Variants in LRCH3 observed in about 807,000 individuals in gnomAD.
LRCH3 encodes DISP complex protein LRCH3.
Under a neutral mutation model 104.5 loss-of-function variants are expected in LRCH3, and 68 were observed. The observed-to-expected ratio is 0.65, with a 90% CI of 0.54 to 0.80. The LOEUF is 0.80. LRCH3 is among the 30% of genes least tolerant of loss of function. LRCH3 has a pLI of 0.00. For missense variants in LRCH3, 951 were observed against 953.9 expected, an observed-to-expected ratio of 1.00 and a Z score of 0.04; for synonymous variants, 344 against 361.3, an observed-to-expected ratio of 0.95 and a Z score of 0.54.
chr3:197,850,760 A>T lies in LRCH3; in HGVS notation c.1531-1801A>T, dbSNP rs1046118212. On this transcript the variant is annotated intron_variant, in intron 12 of 20. Coordinates refer to ENST00000425562, the MANE Select transcript of LRCH3 (RefSeq NM_001365715.1). ...TGGCCTGCGCACACCTGCCAACTCC[A>T]TCATTGTAACGTCGGAATGGTACAC... 8 of 1,284,790 alleles carry T rather than the reference A, an allele frequency of 6.2e-6. No homozygotes were observed. In the African/African-American group the frequency reaches 1.0e-4, roughly 16 times the overall value. 79.6% of individuals were successfully genotyped at this position (1,284,790 alleles called of 1,614,324 possible). A position where few individuals can be genotyped will look rare whatever the true frequency, so the allele number is the denominator to read the frequency against.
intron 15 of LRCH3, among the ~76,000 whole-genome samples, chr3:197,863,284 A>G (rs1001460145): frequency 1.3e-5 from 2 of 152,108 alleles, no homozygotes; most frequent in Admixed American, 6.5e-5. Flanking sequence ...TTATTTTGAG[A>G]TGGAGTCTCA....
At chr3:197,831,188 G>T (rs1735887825) in intron 7 of LRCH3, 4 of 208,266 alleles carry the variant, frequency 1.9e-5, no homozygotes, top group African/African-American at 9.3e-5. Flanking sequence ...GCTAGATGGT[G>T]AGAAAACAAG....
rs1207236777 is a variant in LRCH3 at position 197,847,992 on chromosome 3, C to T, written c.1501C>T (p.Gln501Ter). Residue 501 changes from glutamine (Q) to a stop codon, truncating the protein, a stop_gained, in exon 12 of 21, where the codon CAG becomes TAG. Coordinates refer to ENST00000425562, the MANE Select transcript of LRCH3 (RefSeq NM_001365715.1). LOFTEE classifies it high-confidence loss of function. ...GGAGAAAATAAGGACCAAGCAGATC[C>T]AGAGAGATGCTGTCCTGGACTTTGT... ...EEEKIRTKQIQRDAVLDFVKQ... is the reference protein window; with the variant it reads ...EEEKIRTKQI 1 of 1,614,064 alleles carries T rather than the reference C, an allele frequency of 6.2e-7. No individual in the cohort carries two copies. Among genetic ancestry groups the T allele is most frequent in the South Asian group, 1.1e-5 (1 of 91,070 alleles).
At chr3:197,842,791 T>C (rs2109353579) in intron 10 of LRCH3, among the ~76,000 whole-genome samples, 1 of 152,236 alleles carries the variant, frequency 6.6e-6, no homozygotes, top group Middle Eastern at 3.4e-3. Flanking sequence ...ATTGTTAAAA[T>C]AATTTTTTAT....
chr3:197,827,844 C>T (rs779150305), intron 5 of LRCH3, among the ~76,000 whole-genome samples: 8 of 151,558 alleles, frequency 5.3e-5, no homozygotes, highest in South Asian at 2.1e-4. Flanking sequence ...TTTGGGAGGC[C>T]GAGGTGGGCA....
At position 197,826,950 on chromosome 3, in the gene LRCH3, G is replaced by A. The variant is rs1012676100; in HGVS notation, c.713G>A (p.Arg238Gln). 2.5e-6 allele frequency: 4 copies of A among 1,613,826 alleles called. No homozygotes were observed. Among genetic ancestry groups the A allele is most frequent in the Admixed American group, 1.7e-5 (1 of 59,952 alleles). ...ATTACCACAATCCCTGTTTGTTATC[G>A]GAACCTCAGGCACCTACAGACGATC... ...NKITTIPVCY[R>Q]NLRHLQTITL... Residue 238 changes from arginine to glutamine, a missense_variant, in exon 5 of 21, where the codon CGG becomes CAG. Arg to Gln is a conservative substitution (Grantham distance 43). Coordinates refer to ENST00000425562, the MANE Select transcript of LRCH3 (RefSeq NM_001365715.1).
In LRCH3 at chr3:197,820,394, A is replaced by G; in HGVS notation, c.604A>G (p.Asn202Asp). Residue 202 changes from asparagine (N) to aspartate (D), a missense_variant, in exon 4 of 21, where the codon AAT becomes GAT. By Grantham distance (23) the Asn-to-Asp change is conservative. Coordinates refer to ENST00000425562, the MANE Select transcript of LRCH3 (RefSeq NM_001365715.1). ...IGNLEALRDL[N>D]VRRNHLVHLP... The stretch of plus-strand genomic sequence containing the variant: ...TAACCTGGAGGCCTTGAGAGACCTT[A>G]ATGTAAGAAGAAATCACCTAGTACA... 6.2e-7 allele frequency: 1 copy of G among 1,611,300 alleles called. No individual in the cohort carries two copies. Among genetic ancestry groups the G allele is most frequent in the Middle Eastern group, 1.7e-4 (1 of 6,058 alleles).
At chr3:197,855,091 A>G (rs2109431518) in intron 14 of LRCH3, among the ~76,000 whole-genome samples, 1 of 152,232 alleles carries the variant, frequency 6.6e-6, no homozygotes, top group Non-Finnish European at 1.5e-5. Context: ...TTTCCCCATC[A>G]TGTTTTATGT....
intron 17 of LRCH3, among the ~76,000 whole-genome samples, chr3:197,868,658 G>C (rs1711636403): frequency 6.6e-6 from 1 of 152,202 alleles, no homozygotes; most frequent in African/African-American, 2.4e-5. Context: ...TATAAGCAAT[G>C]AAAATGAACC....
At chr3:197,859,137 G>A (rs1740602011) in intron 15 of LRCH3, 1 of 494,696 alleles carries the variant, frequency 2.0e-6, no homozygotes, top group Non-Finnish European at 3.6e-6. Flanking sequence ...TGTTTGATGT[G>A]TCATTCTGAT....
chr3:197,875,236 C>T (rs1318007146), intron 19 of LRCH3, among the ~76,000 whole-genome samples: 1 of 152,146 alleles, frequency 6.6e-6, no homozygotes, highest in African/African-American at 2.4e-5. Flanking sequence ...GGCATTGCAA[C>T]AGTTCTTATG....
At position 197,885,094 on chromosome 3, in the gene LRCH3, T is replaced by G. The variant is rs1364621952; in HGVS notation, c.*1428T>G. The G allele has an allele frequency of 6.6e-6, 1 of 152,132 alleles. No homozygotes were observed. Among genetic ancestry groups the G allele is most frequent in the Non-Finnish European group, 1.5e-5 (1 of 68,042 alleles). 9.4% of individuals were successfully genotyped at this position (152,132 alleles called of 1,614,324 possible). A position where few individuals can be genotyped will look rare whatever the true frequency, so the allele number is the denominator to read the frequency against. ...GTTCCAAACCCCGTTATCTAGACAT[T>G]ATCAACAACAAGCCCTCTCTCTATA... On this transcript the variant is annotated 3_prime_UTR_variant, in exon 21 of 21. Transcript: ENST00000425562.
At chr3:197,848,579 A>AT (rs1357092129) in intron 12 of LRCH3, 2 of 152,348 alleles carry the variant, frequency 1.3e-5, no homozygotes, top group Non-Finnish European at 1.5e-5. Flanking sequence ...TGAAATCGTC[A>AT]TTTTTTCTTC....
At chr3:197,880,406 A>T (rs1326065687) in intron 20 of LRCH3, 1 of 852,670 alleles carries the variant, frequency 1.2e-6, no homozygotes, top group Non-Finnish European at 1.9e-6. Context: ...GGATGTGTAT[A>T]TGTGAATATG....
In LRCH3 at chr3:197,868,209, A is replaced by G. The variant is rs368302853; in HGVS notation, c.1874-1951A>G. Among the ~76,000 whole-genome samples, 16 of 152,312 alleles carry G rather than the reference A, an allele frequency of 1.1e-4. No homozygotes were observed. The East Asian group carries it at 2.3e-3, about 22-fold the overall frequency. On this transcript the variant is annotated intron_variant, in intron 17 of 20. Coordinates refer to ENST00000425562, the MANE Select transcript of LRCH3 (RefSeq NM_001365715.1). ...GATTCAACCAGTCATGGACAGAAAA[A>G]TCTTCAGAAACAAGACAACGATAAT... is the stretch of plus-strand genomic sequence containing the variant.
At chr3:197,864,783 G>A (rs983532953) in intron 15 of LRCH3, among the ~76,000 whole-genome samples, 13 of 150,518 alleles carry the variant, frequency 8.6e-5, no homozygotes, top group Non-Finnish European at 1.6e-4. Context: ...CACTTTGGGA[G>A]GCTGAGGCGG....
At chr3:197,792,272 A>G (rs1730616219) in intron 1 of LRCH3, among the ~76,000 whole-genome samples, 1 of 151,878 alleles carries the variant, frequency 6.6e-6, no homozygotes, top group African/African-American at 2.4e-5. Flanking sequence ...TGTCCTCCAA[A>G]AAAAAGTTGA....
intron 8 of LRCH3, among the ~76,000 whole-genome samples, chr3:197,834,914 T>C (rs1736492832): frequency 2.0e-5 from 3 of 152,222 alleles, no homozygotes; most frequent in Admixed American, 1.3e-4. Flanking sequence ...GTGGCCACAG[T>C]GGGCGGATCG....
chr3:197,842,805 C>G (rs958252791), intron 10 of LRCH3, among the ~76,000 whole-genome samples: 19 of 152,066 alleles, frequency 1.2e-4, no homozygotes, highest in Admixed American at 2.6e-4. Context: ...TTTTTATGGG[C>G]TGGGTGCAGT....
Sources: gnomAD v4.1 joint callset for allele counts (sites outside exome capture counted in the v4.1 genomes callset) on GRCh38, gnomAD v4.1.1 for gene constraint, MANE v1.5 for transcripts, NCBI Gene and HGNC (gene_info 2026-07-23, HGNC 2026-07-21) for gene names.